The following VPS35L variants were observed in gnomAD, a reference collection of about 807,000 sequenced individuals.
VPS35L encodes VPS35 endosomal protein-sorting factor-like.
Under a neutral mutation model 133.0 loss-of-function variants are expected in VPS35L, and 83 were observed. The ratio of observed to expected loss-of-function variants is 0.62; its 90% CI spans 0.52 to 0.75. The LOEUF is 0.75. Ranked by LOEUF, VPS35L falls within the 30% of genes least tolerant of loss-of-function variation. The pLI is 0.00. For synonymous variants in VPS35L, 423 were observed against 449.9 expected (o/e 0.94, Z 0.76); for missense variants, 1,083 against 1,206.8 (o/e 0.90, Z 1.52).
At chr16:19,618,240 T>TACAGAAAAGCTGTACAGAACACA (rs1391209578) in intron 14 of VPS35L, among the ~76,000 whole-genome samples, 2 of 152,090 alleles carry the variant, frequency 1.3e-5, no homozygotes, top group East Asian at 3.8e-4. Flanking sequence ...CCAACACATG[T>TACAGAAAAGCTGTACAGAACACA]TGAAAGCTGT....
At position 19,686,902 on chromosome 16, in the gene VPS35L, T is replaced by C. The variant is rs983756903; in HGVS notation, c.2528-4451T>C. On this transcript the variant is annotated intron_variant, in intron 28 of 30. Transcript: ENST00000417362. ...GATTTTAGTATCCCATGATCCCCTG[T>C]ACTGCCCCCCCTTCCTTGAGACTGG... Among the ~76,000 whole-genome samples, 6 of 152,170 alleles carry C rather than the reference T, an allele frequency of 3.9e-5. No individual in the cohort carries two copies. In the East Asian group the frequency reaches 1.2e-3, roughly 29 times the overall value.
chr16:19,616,549 A>C, intron 13 of VPS35L, 137 bp from the exon 14 acceptor site: 2 of 1,210,564 alleles, frequency 1.7e-6, no homozygotes, highest in Non-Finnish European at 2.2e-6. Context: ...AAAAAAAAAA[A>C]ACAACCGAGA....
At position 19,700,769 on chromosome 16, in the gene VPS35L, A is replaced by T. The variant is rs1976105088; in HGVS notation, c.*293A>T. On this transcript the variant is annotated 3_prime_UTR_variant, in exon 31 of 31. Transcript: ENST00000417362. ...GATGGGCCTTTTTAGCAAGAGAGAAACAAGAATGCAAGTAACATCTTTCTT... is the reference window on the plus strand; with the variant it reads ...GATGGGCCTTTTTAGCAAGAGAGAATCAAGAATGCAAGTAACATCTTTCTT... 3.0e-6 allele frequency: 1 copy of T among 336,050 alleles called. No homozygotes were observed. The highest frequency in any genetic ancestry group is 8.3e-4 in the Middle Eastern group (1 of 1,198). The allele number at this position is 336,050 out of a possible 1,614,324, so 20.8% of individuals were successfully genotyped here.
chr16:19,561,119 C>T (rs904985413), intron 1 of VPS35L, among the ~76,000 whole-genome samples: 2 of 152,122 alleles, frequency 1.3e-5, no homozygotes, highest in Non-Finnish European at 2.9e-5. Context: ...CCTGTAATCC[C>T]AGCACTTTGG....
chr16:19,662,498 A>G (rs1490545631), intron 26 of VPS35L, among the ~76,000 whole-genome samples: 3 of 152,310 alleles, frequency 2.0e-5, no homozygotes, highest in South Asian at 4.1e-4. Context: ...AAGCCGGCAA[A>G]GTTCGCATTT....
At chr16:19,562,190 A>T (rs1406768006) in intron 1 of VPS35L, among the ~76,000 whole-genome samples, 1 of 152,158 alleles carries the variant, frequency 6.6e-6, no homozygotes, top group Non-Finnish European at 1.5e-5. Context: ...GGGTTTTGCA[A>T]TAGGGGACAG....
chr16:19,690,012 A>C (rs768114296), intron 28 of VPS35L, among the ~76,000 whole-genome samples: 4 of 152,120 alleles, frequency 2.6e-5, no homozygotes, highest in Non-Finnish European at 5.9e-5. Context: ...TCCTGGGCTC[A>C]AGCAGTCCTC....
rs115362239 is a variant in VPS35L, at chr16:19,649,678, C to T, written c.2029-704C>T. On this transcript the variant is annotated intron_variant, in intron 24 of 30. Transcript: ENST00000417362. Reference sequence around the variant, plus strand: ...GTGCCATGGTGCACCGTTTGGGAACCACAGGTCCAAACTTTTTATATCTGT... The same window carrying T: ...GTGCCATGGTGCACCGTTTGGGAACTACAGGTCCAAACTTTTTATATCTGT... 4.7e-3 allele frequency among the ~76,000 whole-genome samples: 720 copies of T among 152,330 alleles called. 8 individuals carry two copies. Among genetic ancestry groups the T allele is most frequent in the African/African-American group, 0.016 (649 of 41,568 alleles).
intron 26 of VPS35L, among the ~76,000 whole-genome samples, chr16:19,668,821 C>T (rs970027504): frequency 5.3e-5 from 8 of 152,196 alleles, no homozygotes; most frequent in African/African-American, 1.2e-4. Context: ...GCACCTTCCT[C>T]GCACTGGTAG....
At chr16:19,657,764 G>T (rs1480198585) in intron 26 of VPS35L, among the ~76,000 whole-genome samples, 2 of 152,196 alleles carry the variant, frequency 1.3e-5, no homozygotes, top group Non-Finnish European at 2.9e-5. Context: ...TTCCTGGAGA[G>T]TCAAGAATGG....
At chr16:19,677,921 TACTC>T (rs1336427294) in intron 27 of VPS35L, among the ~76,000 whole-genome samples, 12 of 152,174 alleles carry the variant, frequency 7.9e-5, no homozygotes, top group Non-Finnish European at 1.6e-4. Flanking sequence ...ATTTCACAAA[TACTC>T]ACTCAAAACA....
Position 19,607,268 on chromosome 16 carries a change from A to G in VPS35L, c.785-910A>G, listed in dbSNP as rs542818675. 1.4e-4 allele frequency among the ~76,000 whole-genome samples: 21 copies of G among 152,346 alleles called. No homozygotes were observed. In the South Asian group the frequency reaches 4.4e-3, roughly 32 times the overall value. ...ATGGGCCAGCTAGCCCCTGGTACCA[A>G]GGATCCTCACTTCTGTCTTGTTGCT... On this transcript the variant is annotated intron_variant, in intron 9 of 30. Transcript: ENST00000417362.
chr16:19,657,389 A>AT (rs1286058258), intron 26 of VPS35L, among the ~76,000 whole-genome samples: 1 of 152,130 alleles, frequency 6.6e-6, no homozygotes, highest in African/African-American at 2.4e-5. Flanking sequence ...CTGGGTTCAT[A>AT]TGTCATGTCT....
chr16:19,598,711 G>A (rs369346374), intron 8 of VPS35L, among the ~76,000 whole-genome samples: 1 of 151,932 alleles, frequency 6.6e-6, no homozygotes, highest in Admixed American at 6.6e-5. Context: ...CTGAGCCCAG[G>A]AAGTTGAGGC....
chr16:19,673,288 T>C (rs1327769237), intron 27 of VPS35L, among the ~76,000 whole-genome samples: 1 of 152,222 alleles, frequency 6.6e-6, no homozygotes, highest in Non-Finnish European at 1.5e-5. Flanking sequence ...TAAAAATTGG[T>C]AGATCACAGA....
At chr16:19,620,343 C>A (rs571670323) in intron 14 of VPS35L, among the ~76,000 whole-genome samples, 5 of 152,138 alleles carry the variant, frequency 3.3e-5, no homozygotes, top group Admixed American at 6.5e-5. Flanking sequence ...CTTTTTCCCC[C>A]AAAAAGTATG....
intron 26 of VPS35L, among the ~76,000 whole-genome samples, chr16:19,657,067 G>A (rs1222649348): frequency 6.7e-6 from 1 of 148,322 alleles, no homozygotes; most frequent in Non-Finnish European, 1.5e-5. Flanking sequence ...CCAAGTTCAA[G>A]TGATTTTCCT....
chr16:19,684,803 TC>T (rs1975400599), intron 28 of VPS35L, among the ~76,000 whole-genome samples: 1 of 152,146 alleles, frequency 6.6e-6, no homozygotes. Context: ...GTGCCTATAA[TC>T]CCAGCACTTT....
intron 16 of VPS35L, 51 bp downstream of exon 16, chr16:19,627,856 T>A (rs1343608966): frequency 7.1e-7 from 1 of 1,402,758 alleles, no homozygotes; most frequent in Non-Finnish European, 1.0e-6. Flanking sequence ...GGTGTGTATC[T>A]GATAGCTCTT....
Sources: allele counts gnomAD v4.1 joint callset (sites outside exome capture counted in the v4.1 genomes callset), GRCh38; gene constraint gnomAD v4.1.1; transcripts MANE v1.5; gene names NCBI Gene and HGNC (gene_info 2026-07-23, HGNC 2026-07-21).